OSBPL8: variants seen among roughly 807,000 people sequenced by gnomAD.
The protein encoded by OSBPL8 is oxysterol-binding protein-related protein 8.
In OSBPL8, 59 loss-of-function variants were observed where a neutral mutation model predicts 125.5. The ratio of observed to expected loss-of-function variants is 0.47; its 90% CI spans 0.38 to 0.58. OSBPL8 has a LOEUF of 0.58. Ranked by LOEUF, OSBPL8 falls within the 20% of genes least tolerant of loss-of-function variation. OSBPL8 has a pLI of 0.00. For synonymous variants in OSBPL8, 330 were observed against 338.9 expected (o/e 0.97, Z 0.29); for missense variants, 758 against 1,047.8 (o/e 0.72, Z 3.82).
Position 76,355,487 on chromosome 12 carries a change from A to T in OSBPL8, c.*402T>A, listed in dbSNP as rs1951948432. On this transcript the variant is annotated 3_prime_UTR_variant, in exon 24 of 24. Coordinates refer to ENST00000261183, the MANE Select transcript of OSBPL8 (RefSeq NM_020841.5). ...TTTGTGCCTGTTTTATGAAGAAAAT[A>T]GATTACATATATTTATAAGATTGAT... The T allele has an allele frequency of 6.5e-6, 1 of 153,036 alleles. No homozygotes were observed. The highest frequency in any genetic ancestry group is 6.5e-5 in the Admixed American group (1 of 15,296). The allele number at this position is 153,036 out of a possible 1,614,324, so 9.5% of individuals were successfully genotyped here.
intron 21 of OSBPL8, among the ~76,000 whole-genome samples, chr12:76,361,375 C>A (rs569627895): frequency 1.3e-5 from 2 of 152,302 alleles, no homozygotes; most frequent in East Asian, 3.9e-4. Context: ...TTGTTTTTCA[C>A]ATCACTATCA....
intron 21 of OSBPL8, among the ~76,000 whole-genome samples, chr12:76,368,993 T>G (rs555668090): frequency 1.3e-5 from 2 of 152,290 alleles, no homozygotes; most frequent in South Asian, 4.1e-4. Context: ...CAGTGTTCAC[T>G]TGGTTGCTGA....
At chr12:76,414,924 T>G (rs1868443878) in intron 4 of OSBPL8, among the ~76,000 whole-genome samples, 1 of 152,208 alleles carries the variant, frequency 6.6e-6, no homozygotes. Flanking sequence ...ATTTCTAATG[T>G]TAAGTCAATC....
rs1277356332 is a variant in OSBPL8 at position 76,352,680 on chromosome 12, T to C, written c.*3209A>G. On this transcript the variant is annotated 3_prime_UTR_variant, in exon 24 of 24. Transcript: ENST00000261183. ...AGTCTCATGTATGGCTTATCAATAATGCCATCATCACTGTATGTCAAACAA... is the reference window on the plus strand; with the variant it reads ...AGTCTCATGTATGGCTTATCAATAACGCCATCATCACTGTATGTCAAACAA... The C allele has an allele frequency of 6.6e-6, 1 of 152,584 alleles. No homozygotes were observed. Among genetic ancestry groups the C allele is most frequent in the African/African-American group, 2.4e-5 (1 of 41,462 alleles). 9.5% of individuals were successfully genotyped at this position (152,584 alleles called of 1,614,324 possible).
Position 76,355,135 on chromosome 12 carries a change from T to C in OSBPL8, c.*754A>G, listed in dbSNP as rs930301416. Reference sequence around the variant, plus strand: ...GCAATCAATTTTGACCACACTTTTTTCAGCAAGTGCTTAAGGTGGTATTAT... The same window carrying C: ...GCAATCAATTTTGACCACACTTTTTCCAGCAAGTGCTTAAGGTGGTATTAT... On this transcript the variant is annotated 3_prime_UTR_variant, in exon 24 of 24. Transcript: ENST00000261183. 1.3e-5 allele frequency: 2 copies of C among 152,528 alleles called. No individual in the cohort carries two copies. Among genetic ancestry groups the C allele is most frequent in the Admixed American group, 1.3e-4 (2 of 15,274 alleles). 9.4% of individuals were successfully genotyped at this position (152,528 alleles called of 1,614,324 possible).
At chr12:76,436,655 AACTCATGGTAGTAT>A (rs1160134881) in intron 4 of OSBPL8, among the ~76,000 whole-genome samples, 1 of 152,174 alleles carries the variant, frequency 6.6e-6, no homozygotes, top group East Asian at 1.9e-4. Context: ...CTTAATAAAA[AACTCATGGTAGTAT>A]ACTCATTTTT....
chr12:76,520,010 A>G (rs932598590), intron 1 of OSBPL8, among the ~76,000 whole-genome samples: 1 of 152,210 alleles, frequency 6.6e-6, no homozygotes, highest in African/African-American at 2.4e-5. Context: ...ACCAGAAACA[A>G]GAACAGCAGT....
chr12:76,398,337 T>C (rs1455125662), intron 7 of OSBPL8, among the ~76,000 whole-genome samples: 1 of 152,234 alleles, frequency 6.6e-6, no homozygotes, highest in Non-Finnish European at 1.5e-5. Flanking sequence ...AGGCATTCCC[T>C]AAGTATTTGG....
chr12:76,531,705 T>A (rs1372450629), intron 1 of OSBPL8, among the ~76,000 whole-genome samples: 2 of 151,930 alleles, frequency 1.3e-5, no homozygotes, highest in Admixed American at 6.6e-5. Context: ...AATTGTTTAG[T>A]TTTGAAGGTA....
intron 4 of OSBPL8, among the ~76,000 whole-genome samples, chr12:76,429,296 A>T (rs1261741808): frequency 8.9e-6 from 1 of 112,406 alleles, no homozygotes; most frequent in Admixed American, 8.0e-5. Context: ...ATATATAATT[A>T]AAATCATCCA....
chr12:76,430,316 T>C (rs1021925258), intron 4 of OSBPL8, among the ~76,000 whole-genome samples: 9 of 152,008 alleles, frequency 5.9e-5, no homozygotes, highest in Admixed American at 2.6e-4. Context: ...GGCTCACCAA[T>C]AGCAGATCCG....
At chr12:76,484,130 A>C (rs959252612) in intron 2 of OSBPL8, among the ~76,000 whole-genome samples, 1 of 152,202 alleles carries the variant, frequency 6.6e-6, no homozygotes, top group Non-Finnish European at 1.5e-5. Context: ...TTTGGTCTCT[A>C]TCTGGCATAT....
In OSBPL8 at chr12:76,386,285, A is replaced by AG; in HGVS notation, c.1435-20dup. 22 of 1,575,030 alleles carry AG rather than the reference A, an allele frequency of 1.4e-5. No homozygotes were observed. The highest frequency in any genetic ancestry group is 1.9e-5 in the Non-Finnish European group (22 of 1,165,960). ...TCAGTCCCTGGTAAAAAAAAAAAAAAGCAATTTCAAATTACAAATACAAAG... is the reference window on the plus strand; with the variant it reads ...TCAGTCCCTGGTAAAAAAAAAAAAAAGGCAATTTCAAATTACAAATACAAAG... On this transcript the variant is annotated intron_variant, in intron 13 of 23. Coordinates refer to ENST00000261183, the MANE Select transcript of OSBPL8 (RefSeq NM_020841.5).
rs530981645 is a variant in OSBPL8 at position 76,393,452 on chromosome 12, C to G, written c.758-700G>C. Among the ~76,000 whole-genome samples, 14 of 149,814 alleles carry G rather than the reference C, an allele frequency of 9.3e-5. No homozygotes were observed. The East Asian group carries it at 2.8e-3, about 30-fold the overall frequency. ...TCGGCCAGGCGCGGTGGCTCACGCC[C>G]GTAATCCCAGCACTTTGGGAGGCCG... is the stretch of plus-strand genomic sequence containing the variant. On this transcript the variant is annotated intron_variant, in intron 9 of 23. Coordinates refer to ENST00000261183, the MANE Select transcript of OSBPL8 (RefSeq NM_020841.5).
At chr12:76,461,991 A>G (rs934608323) in intron 2 of OSBPL8, among the ~76,000 whole-genome samples, 4 of 152,226 alleles carry the variant, frequency 2.6e-5, no homozygotes, top group Non-Finnish European at 5.9e-5. Flanking sequence ...AACTTTACAA[A>G]TGCTTCATAG....
intron 1 of OSBPL8, among the ~76,000 whole-genome samples, chr12:76,491,601 T>C (rs1012922409): frequency 6.6e-6 from 1 of 152,224 alleles, no homozygotes; most frequent in Admixed American, 6.5e-5. Context: ...ACATGTATTA[T>C]AATATATGGT....
intron 23 of OSBPL8, among the ~76,000 whole-genome samples, 186 bp from the exon 24 acceptor site, chr12:76,356,207 C>A (rs1951981149): frequency 6.6e-6 from 1 of 151,674 alleles, no homozygotes; most frequent in African/African-American, 2.4e-5. Flanking sequence ...TACTTAAGGG[C>A]TCAGGGAGTA....
intron 1 of OSBPL8, among the ~76,000 whole-genome samples, chr12:76,531,556 A>G (rs971939959): frequency 6.6e-6 from 1 of 152,230 alleles, no homozygotes; most frequent in Admixed American, 6.5e-5. Context: ...AACTGTGACA[A>G]TATGTGAAGA....
chr12:76,376,523 T>A (rs1453487606), intron 16 of OSBPL8, among the ~76,000 whole-genome samples: 1 of 152,214 alleles, frequency 6.6e-6, no homozygotes, highest in African/African-American at 2.4e-5. Flanking sequence ...ACTTCTTTTC[T>A]TTTTCCATGC....
Sources: gnomAD v4.1 joint callset for allele counts (sites outside exome capture counted in the v4.1 genomes callset) on GRCh38, gnomAD v4.1.1 for gene constraint, MANE v1.5 for transcripts, NCBI Gene and HGNC (gene_info 2026-07-23, HGNC 2026-07-21) for gene names.